Variants in ZNG1E observed in about 807,000 individuals in gnomAD.
ZNG1E encodes the protein zinc-regulated GTPase metalloprotein activator 1E.
At chr9:65,731,037 CTT>C in the ZNG1E span, among the ~76,000 whole-genome samples, 7 of 151,948 alleles carry the variant, frequency 4.6e-5, no homozygotes, top group Non-Finnish European at 5.9e-5. Flanking sequence ...GCTAAGAACT[CTT>C]CTCCTCTTGG....
At chr9:65,719,910 T>G in the ZNG1E span, 4 of 1,292,698 alleles carry the variant, frequency 3.1e-6, no homozygotes, top group East Asian at 9.5e-5. Context: ...GCAAACAACT[T>G]GTAAAATTGG....
chr9:65,659,064 A>C, the ZNG1E span, among the ~76,000 whole-genome samples: 1 of 152,206 alleles, frequency 6.6e-6, no homozygotes, highest in East Asian at 1.9e-4. Flanking sequence ...AAAACTGGAA[A>C]CAAAGTGAAA....
At chr9:65,731,930 T>G in the ZNG1E span, 1 of 400,254 alleles carries the variant, frequency 2.5e-6, no homozygotes, top group East Asian at 3.4e-5. Flanking sequence ...AAAAACTATA[T>G]TTGGTTTTAA....
the ZNG1E span, among the ~76,000 whole-genome samples, chr9:65,655,001 C>G: frequency 6.6e-6 from 1 of 152,344 alleles, no homozygotes; most frequent in African/African-American, 2.4e-5. Flanking sequence ...AAAGAGGATT[C>G]TGTTTGTGCT....
chr9:65,684,990 C>T, the ZNG1E span, among the ~76,000 whole-genome samples: 1 of 147,848 alleles, frequency 6.8e-6, no homozygotes, highest in African/African-American at 2.5e-5. Flanking sequence ...TGCAGTGAGT[C>T]ATGATTGCAC....
chr9:65,718,444 T>TA, the ZNG1E span, among the ~76,000 whole-genome samples: 304 of 110,510 alleles, frequency 2.8e-3, no homozygotes, highest in African/African-American at 0.011. Context: ...TTGTATCCTT[T>TA]AGTGCTTTAT....
At chr9:65,684,780 T>C in the ZNG1E span, among the ~76,000 whole-genome samples, 1 of 152,218 alleles carries the variant, frequency 6.6e-6, no homozygotes, top group Non-Finnish European at 1.5e-5. Context: ...GTGATTCTTA[T>C]ACTGTACAGC....
the ZNG1E span, among the ~76,000 whole-genome samples, chr9:65,663,136 A>G: frequency 6.6e-6 from 1 of 152,270 alleles, no homozygotes; most frequent in Non-Finnish European, 1.5e-5. Flanking sequence ...CTGTTATATT[A>G]TATTGCTTTT....
chr9:65,685,189 C>G, the ZNG1E span, among the ~76,000 whole-genome samples: 2 of 152,252 alleles, frequency 1.3e-5, no homozygotes, highest in East Asian at 3.8e-4. Context: ...CAGCTTTCAG[C>G]AAGTCATAAT....
chr9:65,684,397 C>T, the ZNG1E span, among the ~76,000 whole-genome samples: 70 of 151,064 alleles, frequency 4.6e-4, no homozygotes, highest in Middle Eastern at 6.8e-3. Context: ...ACTAGCCAGG[C>T]GTTGTGGCGC....
chr9:65,714,672 G>T, the ZNG1E span, among the ~76,000 whole-genome samples: 1 of 152,058 alleles, frequency 6.6e-6, no homozygotes, highest in South Asian at 2.1e-4. Flanking sequence ...CTCTGCTAGG[G>T]GGTGCCTCCC....
the ZNG1E span, among the ~76,000 whole-genome samples, chr9:65,710,672 C>T: frequency 9.4e-3 from 1,390 of 147,598 alleles, no homozygotes; most frequent in Non-Finnish European, 0.012. Context: ...TGTAGATATG[C>T]GGCGTTATTT....
At chr9:65,658,560 T>C in the ZNG1E span, among the ~76,000 whole-genome samples, 5 of 151,400 alleles carry the variant, frequency 3.3e-5, no homozygotes, top group Non-Finnish European at 7.4e-5. Flanking sequence ...AGTTCTCAGA[T>C]TGTAAGAGAC....
At chr9:65,691,352 G>C in the ZNG1E span, among the ~76,000 whole-genome samples, 1 of 149,398 alleles carries the variant, frequency 6.7e-6, no homozygotes, top group Admixed American at 6.7e-5. Flanking sequence ...CAAAGTGCTG[G>C]GATTACAGGC....
the ZNG1E span, among the ~76,000 whole-genome samples, chr9:65,686,677 G>A: frequency 1.3e-5 from 2 of 152,162 alleles, no homozygotes; most frequent in Non-Finnish European, 2.9e-5. Context: ...CTGTTACTTA[G>A]TGTAGCTACT....
the ZNG1E span, among the ~76,000 whole-genome samples, chr9:65,665,427 G>A: frequency 6.6e-6 from 1 of 152,266 alleles, no homozygotes; most frequent in African/African-American, 2.4e-5. Flanking sequence ...TGAGCCTGCG[G>A]GTGCACAGAA....
chr9:65,662,955 A>G, the ZNG1E span, among the ~76,000 whole-genome samples: 16 of 152,218 alleles, frequency 1.1e-4, no homozygotes, highest in Non-Finnish European at 2.1e-4. Context: ...AAGAGCTTTT[A>G]GAATTCAAAG....
chr9:65,722,697 A>ATTTTTTTTTTTTTTTTTTTTT, the ZNG1E span, among the ~76,000 whole-genome samples: 8 of 8,400 alleles, frequency 9.5e-4, 1 homozygote, highest in Admixed American at 2.5e-3. Flanking sequence ...TGCCTAGCTA[A>ATTTTTTTTTTTTTTTTTTTTT]TTTTTTTTTT....
chr9:65,700,584 C>A, the ZNG1E span: 3 of 71,178 alleles, frequency 4.2e-5, no homozygotes, highest in African/African-American at 1.9e-4. Flanking sequence ...CGCACTCCAT[C>A]TTTCTTTTCC....
Sources: allele counts gnomAD v4.1 joint callset (sites outside exome capture counted in the v4.1 genomes callset), GRCh38; gene constraint gnomAD v4.1.1; transcripts MANE v1.5; gene names NCBI Gene and HGNC (gene_info 2026-07-23, HGNC 2026-07-21).